The following ATP2B2 variants were observed in gnomAD, a reference collection of about 807,000 sequenced individuals.
The protein encoded by ATP2B2 is plasma membrane calcium-transporting ATPase 2.
Under a neutral mutation model 120.0 loss-of-function variants are expected in ATP2B2, and 15 were observed. The ratio of observed to expected loss-of-function variants is 0.12; its 90% confidence interval spans 0.08 to 0.19. The LOEUF (loss-of-function observed/expected upper bound fraction) is 0.19. Ranked by LOEUF, ATP2B2 falls within the 10% of genes least tolerant of loss-of-function variation. The pLI is 1.00. For synonymous variants in ATP2B2, 694 were observed against 700.3 expected, an observed-to-expected ratio of 0.99 and a Z score of 0.14; for missense variants, 1,045 against 1,719.8, an observed-to-expected ratio of 0.61 and a Z score of 6.94.
chr3:10,519,693 G>C (rs2066944451), intron 3 of ATP2B2, among the ~76,000 whole-genome samples: 1 of 152,220 alleles, frequency 6.6e-6, no homozygotes. Flanking sequence ...GAATGTTATA[G>C]TTCCAAAAGA....
chr3:10,451,715 C>G (rs1249569170), intron 1 of ATP2B2, among the ~76,000 whole-genome samples: 1 of 152,214 alleles, frequency 6.6e-6, no homozygotes, highest in Non-Finnish European at 1.5e-5. Context: ...AAAGAAACTG[C>G]ACGCTTGGTG....
At chr3:10,579,357 G>A (rs1209362549) in intron 2 of ATP2B2, among the ~76,000 whole-genome samples, 1 of 152,218 alleles carries the variant, frequency 6.6e-6, no homozygotes, top group African/African-American at 2.4e-5. Context: ...TGGGGTCTGT[G>A]CAGCTGCCCT....
intron 2 of ATP2B2, among the ~76,000 whole-genome samples, chr3:10,602,002 A>G (rs796618961): frequency 1.2e-4 from 19 of 152,304 alleles, no homozygotes; most frequent in African/African-American, 4.3e-4. Context: ...ACCCTGGACA[A>G]CCTGAGGCCC....
At chr3:10,394,854 C>T (rs2061982420) in intron 5 of ATP2B2, among the ~76,000 whole-genome samples, 1 of 151,912 alleles carries the variant, frequency 6.6e-6, no homozygotes, top group Non-Finnish European at 1.5e-5. Context: ...TGAAGACAGC[C>T]CCGCCATCCT....
intron 12 of ATP2B2, among the ~76,000 whole-genome samples, chr3:10,367,003 CCCTGAGAGG>C (rs1429890589): frequency 6.6e-6 from 1 of 152,222 alleles, no homozygotes; most frequent in African/African-American, 2.4e-5. Flanking sequence ...GGGGCTGGGC[CCCTGAGAGG>C]CCTCCCAGCC....
At chr3:10,461,620 GC>G (rs1302902010) in intron 1 of ATP2B2, among the ~76,000 whole-genome samples, 1 of 152,146 alleles carries the variant, frequency 6.6e-6, no homozygotes, top group African/African-American at 2.4e-5. Context: ...CAGGTCTGCA[GC>G]CCCCACCCTG....
chr3:10,537,321 A>G (rs963411883), intron 2 of ATP2B2, among the ~76,000 whole-genome samples: 1 of 152,182 alleles, frequency 6.6e-6, no homozygotes, highest in Non-Finnish European at 1.5e-5. Context: ...AAGTCTTCCA[A>G]TCCATGAACA....
chr3:10,328,884 G>A lies in ATP2B2; in HGVS notation c.3662C>T (p.Thr1221Ile). ...SAIDSGINLTTDTSKSATSSS... is the reference protein window; with the variant it reads ...SAIDSGINLTIDTSKSATSSS... ...AGAGGTAGCTGATTTGCTTGTGTCG[G>A]TCGTCAGGTTGATCCCACTGTCGAT... Residue 1221 changes from threonine to isoleucine, a missense_variant, in exon 23 of 23, where the codon ACC becomes ATC. Around this residue, in one of 11 missense-constraint regions of ATP2B2, gnomAD observed 211 missense variants for 385.1 expected, o/e 0.55. Transcript: ENST00000360273. 6.2e-7 allele frequency: 1 copy of A among 1,613,940 alleles called. No individual in the cohort carries two copies. The highest frequency in any genetic ancestry group is 8.5e-7 in the Non-Finnish European group (1 of 1,179,994).
chr3:10,562,212 C>T (rs1267461791), intron 2 of ATP2B2, among the ~76,000 whole-genome samples: 3 of 152,162 alleles, frequency 2.0e-5, no homozygotes, highest in Non-Finnish European at 2.9e-5. Flanking sequence ...AGATGAGCTG[C>T]ACCTTCAGGT....
At chr3:10,606,424 A>G (rs2125599535) in intron 2 of ATP2B2, among the ~76,000 whole-genome samples, 1 of 152,182 alleles carries the variant, frequency 6.6e-6, no homozygotes, top group Middle Eastern at 3.4e-3. Context: ...GCACCATCTA[A>G]CCCCAAGATC....
intron 1 of ATP2B2, among the ~76,000 whole-genome samples, chr3:10,638,593 T>C (rs1209622596): frequency 1.3e-5 from 2 of 152,186 alleles, no homozygotes; most frequent in African/African-American, 2.4e-5. Context: ...AGCAAGATGA[T>C]AGATTTAAAG....
At chr3:10,338,621 G>A (rs984884976) in intron 21 of ATP2B2, 3 of 491,264 alleles carry the variant, frequency 6.1e-6, no homozygotes, top group Non-Finnish European at 7.3e-6. Flanking sequence ...TTCAGAGTCA[G>A]GGTACATAGT....
chr3:10,433,847 C>A (rs113781741), intron 2 of ATP2B2, among the ~76,000 whole-genome samples: 20 of 152,190 alleles, frequency 1.3e-4, no homozygotes, highest in African/African-American at 4.6e-4. Flanking sequence ...CTCAGTCACT[C>A]TCAAAGCACT....
chr3:10,560,810 T>G (rs1389204560), intron 2 of ATP2B2, among the ~76,000 whole-genome samples: 2 of 152,112 alleles, frequency 1.3e-5, no homozygotes, highest in East Asian at 3.9e-4. Context: ...CCTCCTGCAG[T>G]TAGATGAAAT....
At chr3:10,524,771 C>T (rs561743829) in intron 3 of ATP2B2, among the ~76,000 whole-genome samples, 22 of 152,302 alleles carry the variant, frequency 1.4e-4, no homozygotes, top group South Asian at 1.2e-3. Flanking sequence ...AGTAACCTCT[C>T]CTGGCTAGAG....
chr3:10,326,672 G>T lies in ATP2B2; in HGVS notation c.*2142C>A, dbSNP rs1033779246. ...ACATCTGAGGGCTGGTCACCCCTTT[G>T]GTTATGCAGTTCCTCTCCTGGATAC... is the stretch of plus-strand genomic sequence containing the variant. On this transcript the variant is annotated 3_prime_UTR_variant, in exon 23 of 23. Coordinates refer to ENST00000360273, the MANE Select transcript of ATP2B2 (RefSeq NM_001001331.4). 10 of 398,886 alleles carry T rather than the reference G, an allele frequency of 2.5e-5. No individual in the cohort carries two copies. In the Admixed American group the frequency reaches 3.1e-4, roughly 12 times the overall value. 24.7% of individuals were successfully genotyped at this position (398,886 alleles called of 1,614,324 possible).
chr3:10,624,019 T>C (rs1219543290), intron 1 of ATP2B2, among the ~76,000 whole-genome samples: 2 of 152,188 alleles, frequency 1.3e-5, no homozygotes, highest in Non-Finnish European at 2.9e-5. Context: ...GAGTGATCTC[T>C]GGGGAGCACT....
At chr3:10,353,305 G>C (rs1005303411) in intron 14 of ATP2B2, among the ~76,000 whole-genome samples, 2 of 152,214 alleles carry the variant, frequency 1.3e-5, no homozygotes, top group Admixed American at 1.3e-4. Context: ...TTAGAAGAAA[G>C]TGGGTGGGGA....
chr3:10,589,228 G>A (rs1442165895), intron 2 of ATP2B2, among the ~76,000 whole-genome samples: 1 of 152,202 alleles, frequency 6.6e-6, no homozygotes, highest in Non-Finnish European at 1.5e-5. Context: ...GATAAATGGA[G>A]TGGCCCAGAG....
Sources: allele counts gnomAD v4.1 joint callset (sites outside exome capture counted in the v4.1 genomes callset), GRCh38; gene constraint gnomAD v4.1.1; regional missense constraint gnomAD v4.1.1; transcripts MANE v1.5; gene names NCBI Gene and HGNC (gene_info 2026-07-23, HGNC 2026-07-21).